SMYD3: variants seen among roughly 807,000 people sequenced by gnomAD.
The protein encoded by SMYD3 is histone-lysine N-methyltransferase SMYD3.
SMYD3 carries 36 observed loss-of-function variants against 57.7 expected under a neutral mutation model. That is an observed-to-expected ratio of 0.62 (90% CI 0.48 to 0.82). The LOEUF (loss-of-function observed/expected upper bound fraction) is 0.82. Among genes scored for constraint, SMYD3 ranks in the 40% least tolerant of loss-of-function variants. SMYD3 has a pLI of 0.00. For synonymous variants in SMYD3, 211 were observed against 195.0 expected, an observed-to-expected ratio of 1.08 and a Z score of -0.68; for missense variants, 515 against 538.8, an observed-to-expected ratio of 0.96 and a Z score of 0.44.
At position 246,361,565 on chromosome 1, in the gene SMYD3, T is replaced by C. The variant is rs377066352; in HGVS notation, c.165-6471A>G. ...GCCCAAATGCCCATCAGTCAACAAATGGATAAAGAAAATGTGGTATATATA... is the reference window on the plus strand; with the variant it reads ...GCCCAAATGCCCATCAGTCAACAAACGGATAAAGAAAATGTGGTATATATA... On this transcript the variant is annotated intron_variant, in intron 1 of 11. Transcript: ENST00000490107. 9.2e-4 allele frequency among the ~76,000 whole-genome samples: 140 copies of C among 152,026 alleles called. 2 individuals are homozygous for C. The highest frequency in any genetic ancestry group is 3.2e-3 in the African/African-American group (131 of 41,432).
At chr1:246,193,664 C>A (rs912828945) in intron 5 of SMYD3, 3 of 152,314 alleles carry the variant, frequency 2.0e-5, no homozygotes, top group Non-Finnish European at 4.4e-5. Flanking sequence ...ATGGAGAGGC[C>A]TTACAGTTAC....
intron 8 of SMYD3, among the ~76,000 whole-genome samples, chr1:245,891,373 A>C (rs796214134): frequency 8.5e-5 from 13 of 152,336 alleles, no homozygotes; most frequent in African/African-American, 2.6e-4. Flanking sequence ...AGCCATAAAC[A>C]TTCAAAATTT....
intron 1 of SMYD3, among the ~76,000 whole-genome samples, chr1:246,502,134 CCTTTTTTTTTTT>C (rs2068464899): frequency 1.2e-5 from 1 of 82,478 alleles, no homozygotes; most frequent in Non-Finnish European, 2.7e-5. Context: ...AATGCAGCTG[CCTTTTTTTTTTT>C]CTTTTTTTTT....
intron 5 of SMYD3, 176 bp from the exon 6 acceptor site, chr1:245,930,113 C>A: frequency 1.6e-6 from 1 of 645,074 alleles, no homozygotes; most frequent in Non-Finnish European, 2.9e-6. Context: ...GGGATATACT[C>A]CCCCTAAAAA....
intron 5 of SMYD3, among the ~76,000 whole-genome samples, chr1:246,015,458 A>T (rs935712398): frequency 3.9e-5 from 6 of 152,222 alleles, no homozygotes; most frequent in Admixed American, 2.6e-4. Flanking sequence ...TATATAATGT[A>T]AAATTTAACA....
intron 5 of SMYD3, among the ~76,000 whole-genome samples, chr1:246,008,522 C>CGTG (rs2059217788): frequency 6.6e-6 from 1 of 152,148 alleles, no homozygotes; most frequent in South Asian, 2.1e-4. Context: ...TCCTGGAGGG[C>CGTG]ATAAGAGCTG....
chr1:246,227,526 A>G (rs2334001), intron 5 of SMYD3, among the ~76,000 whole-genome samples: 31,567 of 152,070 alleles, frequency 0.21, 3,999 homozygotes, highest in East Asian at 0.58. Context: ...GAGGCAGGAG[A>G]ATCACTTGAA....
chr1:246,296,874 T>G (rs561938014), intron 5 of SMYD3, among the ~76,000 whole-genome samples: 1 of 152,306 alleles, frequency 6.6e-6, no homozygotes, highest in African/African-American at 2.4e-5. Context: ...ATATTTTTGT[T>G]GAGATAGCGT....
At position 246,294,605 on chromosome 1, in the gene SMYD3, C is replaced by CTT. The variant is rs34272512; in HGVS notation, c.531+32594_531+32595dup. Among the ~76,000 whole-genome samples, 400 of 148,306 alleles carry CTT rather than the reference C, an allele frequency of 2.7e-3. 2 individuals are homozygous for CTT. The highest frequency in any genetic ancestry group is 9.0e-3 in the African/African-American group (365 of 40,430). ...GATCTGGGCAAACCAATTAAGCTTC[C>CTT]TTTTTTTTTTTAAGACAGAGTCTTA... On this transcript the variant is annotated intron_variant, in intron 5 of 11. Coordinates refer to ENST00000490107, the MANE Select transcript of SMYD3 (RefSeq NM_001167740.2).
intron 5 of SMYD3, chr1:246,179,264 C>T (rs1236275295): frequency 6.5e-6 from 1 of 152,874 alleles, no homozygotes; most frequent in Non-Finnish European, 1.5e-5. Flanking sequence ...TGGACCTTCG[C>T]AAAAGGCCTT....
At chr1:245,923,532 T>A (rs1271920829) in intron 7 of SMYD3, among the ~76,000 whole-genome samples, 1 of 152,230 alleles carries the variant, frequency 6.6e-6, no homozygotes, top group Non-Finnish European at 1.5e-5. Context: ...TCGTCGTCTA[T>A]TGATGAGAAC....
intron 8 of SMYD3, among the ~76,000 whole-genome samples, chr1:245,892,506 G>A (rs2053450140): frequency 6.6e-6 from 1 of 152,196 alleles, no homozygotes; most frequent in South Asian, 2.1e-4. Context: ...CAAAGCACAT[G>A]CTCTTTCCAC....
At chr1:245,817,330 G>T (rs1246612464) in intron 10 of SMYD3, among the ~76,000 whole-genome samples, 6 of 145,182 alleles carry the variant, frequency 4.1e-5, no homozygotes, top group Admixed American at 7.0e-5. Context: ...CCCTGCAGCT[G>T]AGGGTCCTGC....
intron 7 of SMYD3, among the ~76,000 whole-genome samples, chr1:245,923,025 T>C (rs368565371): frequency 9.1e-4 from 138 of 152,222 alleles, no homozygotes; most frequent in African/African-American, 3.2e-3. Flanking sequence ...TTCCCTATCA[T>C]CATAGCCATG....
chr1:246,255,560 C>T (rs2063868913), intron 5 of SMYD3, among the ~76,000 whole-genome samples: 1 of 151,902 alleles, frequency 6.6e-6, no homozygotes, highest in East Asian at 1.9e-4. Context: ...TTTTGATGTG[C>T]TGTTTTATTT....
Position 246,232,833 on chromosome 1 carries a change from C to T in SMYD3, c.531+94368G>A, listed in dbSNP as rs1207577539. On this transcript the variant is annotated intron_variant, in intron 5 of 11. Coordinates refer to ENST00000490107, the MANE Select transcript of SMYD3 (RefSeq NM_001167740.2). ...CTCCTTCAATTCACACTGTGATGAA[C>T]ATATACCACACAGGGGAGAAGCGCT... is the stretch of plus-strand genomic sequence containing the variant. Among the ~76,000 whole-genome samples, 31 of 135,126 alleles carry T rather than the reference C, an allele frequency of 2.3e-4. 2 individuals are homozygous for T. The highest frequency in any genetic ancestry group is 3.6e-4 in the East Asian group (1 of 2,816). 88.6% of individuals were successfully genotyped at this position (135,126 alleles called of 152,430 possible).
chr1:246,406,374 G>A (rs866652958), intron 1 of SMYD3, among the ~76,000 whole-genome samples: 1 of 152,180 alleles, frequency 6.6e-6, no homozygotes, highest in African/African-American at 2.4e-5. Context: ...CAAAAGGAAG[G>A]AGAAGAAAAG....
intron 5 of SMYD3, among the ~76,000 whole-genome samples, chr1:246,028,192 A>G (rs893104547): frequency 3.9e-5 from 6 of 152,330 alleles, no homozygotes; most frequent in African/African-American, 1.4e-4. Context: ...AATTAGGAAG[A>G]AGGAGAAAAC....
At chr1:246,198,447 G>A (rs1356808190) in intron 5 of SMYD3, among the ~76,000 whole-genome samples, 1 of 152,164 alleles carries the variant, frequency 6.6e-6, no homozygotes, top group Non-Finnish European at 1.5e-5. Context: ...AGCAAAAAGA[G>A]CAGTAAAATG....
Sources: gnomAD v4.1 joint callset for allele counts (sites outside exome capture counted in the v4.1 genomes callset) on GRCh38, gnomAD v4.1.1 for gene constraint, MANE v1.5 for transcripts, NCBI Gene and HGNC (gene_info 2026-07-23, HGNC 2026-07-21) for gene names.